Variants in CDH19 observed in about 807,000 individuals in gnomAD.
CDH19 encodes cadherin-19.
CDH19 carries 67 observed loss-of-function variants against 64.2 expected under a neutral mutation model. The observed-to-expected ratio is 1.04, with a 90% confidence interval of 0.86 to 1.28. The LOEUF (loss-of-function observed/expected upper bound fraction) is 1.28, where lower values mean the gene tolerates loss of function less well. Among genes scored for constraint, CDH19 ranks in the 50% most tolerant of loss-of-function variants. CDH19 has a pLI of 0.00. For synonymous variants in CDH19, 346 were observed against 319.3 expected (o/e 1.08, Z -0.89); for missense variants, 1,030 against 929.0 (o/e 1.11, Z -1.41).
intron 9 of CDH19, among the ~76,000 whole-genome samples, chr18:66,523,406 A>ATT (rs1986077359): frequency 1.3e-5 from 2 of 152,184 alleles, no homozygotes; most frequent in African/African-American, 4.8e-5. Flanking sequence ...CCCTGGGACC[A>ATT]GCTTCAGCCC....
At chr18:66,541,591 C>G (rs1568187324) in intron 7 of CDH19, among the ~76,000 whole-genome samples, 1 of 151,956 alleles carries the variant, frequency 6.6e-6, no homozygotes, top group African/African-American at 2.4e-5. Flanking sequence ...TTTGTTAAAT[C>G]AAGCTATATC....
chr18:66,576,223 G>A (rs1354417518), intron 1 of CDH19, among the ~76,000 whole-genome samples: 1 of 150,716 alleles, frequency 6.6e-6, no homozygotes, highest in Non-Finnish European at 1.5e-5. Flanking sequence ...ATATTAATGG[G>A]ATAAAAAAAT....
intron 3 of CDH19, among the ~76,000 whole-genome samples, chr18:66,556,867 A>G (rs576042700): frequency 1.3e-5 from 2 of 152,102 alleles, no homozygotes; most frequent in Admixed American, 6.6e-5. Context: ...ACTATGAAAT[A>G]TCACTTCACA....
intron 9 of CDH19, among the ~76,000 whole-genome samples, chr18:66,516,200 C>T (rs1426414158): frequency 6.6e-6 from 1 of 151,792 alleles, no homozygotes; most frequent in African/African-American, 2.4e-5. Flanking sequence ...ATGACATGAT[C>T]ATTACTTTTA....
intron 5 of CDH19, 39 bp from the exon 6 acceptor site, chr18:66,544,942 T>A: frequency 7.3e-7 from 1 of 1,370,302 alleles, no homozygotes; most frequent in Non-Finnish European, 9.9e-7. Flanking sequence ...GATAAATACT[T>A]AATATAGACA....
At chr18:66,594,547 A>T (rs1988829941) in intron 1 of CDH19, among the ~76,000 whole-genome samples, 1 of 152,046 alleles carries the variant, frequency 6.6e-6, no homozygotes, top group Non-Finnish European at 1.5e-5. Flanking sequence ...CAAAAAGCCC[A>T]AAGTCATACG....
At chr18:66,595,495 T>C (rs1988860417) in intron 1 of CDH19, among the ~76,000 whole-genome samples, 1 of 132,194 alleles carries the variant, frequency 7.6e-6, no homozygotes, top group African/African-American at 2.9e-5. Flanking sequence ...CAAGGGGACA[T>C]TACCACCGGC....
In CDH19 at chr18:66,568,396, T is replaced by G. The variant is rs768153240; in HGVS notation, c.490+20A>C. 1 of 1,565,844 alleles carries G rather than the reference T, an allele frequency of 6.4e-7. No homozygotes were observed. Among genetic ancestry groups the G allele is most frequent in the Admixed American group, 1.8e-5 (1 of 56,562 alleles). On this transcript the variant is annotated intron_variant, in intron 3 of 11. Coordinates refer to ENST00000262150, the MANE Select transcript of CDH19 (RefSeq NM_021153.4). ...TGCTTCATTGTTAATATATCTTTGA[T>G]GTAAATTAATATGCAATACCTTCTG...
chr18:66,559,410 T>C (rs1987638537), intron 3 of CDH19, among the ~76,000 whole-genome samples: 1 of 151,870 alleles, frequency 6.6e-6, no homozygotes, highest in African/African-American at 2.4e-5. Context: ...GAAAAAAATG[T>C]TTTTCTGTCA....
rs756308124 is a variant in CDH19, at chr18:66,544,264, G to A, written c.961-40C>T. On this transcript the variant is annotated intron_variant, in intron 6 of 11. Transcript: ENST00000262150. ...AGTATACACAAAAGAAATGGCTTTA[G>A]TAACCCAAGATACTATTTAGAAAAA... is the stretch of plus-strand genomic sequence containing the variant. The A allele has an allele frequency of 6.3e-6, 10 of 1,575,988 alleles. No individual in the cohort carries two copies. The East Asian group carries it at 1.8e-4, about 28-fold the overall frequency.
chr18:66,531,022 A>G (rs1029938826), intron 8 of CDH19, among the ~76,000 whole-genome samples: 5 of 152,066 alleles, frequency 3.3e-5, no homozygotes, highest in Admixed American at 2.0e-4. Context: ...GGTTTAGCCC[A>G]TGCCATTTTT....
At chr18:66,566,217 T>C (rs1314788487) in intron 3 of CDH19, among the ~76,000 whole-genome samples, 4 of 151,746 alleles carry the variant, frequency 2.6e-5, no homozygotes, top group Non-Finnish European at 5.9e-5. Flanking sequence ...TGATTGGTTA[T>C]GAACAAATAT....
chr18:66,551,960 T>C (rs1987360205), intron 4 of CDH19, among the ~76,000 whole-genome samples: 1 of 151,824 alleles, frequency 6.6e-6, no homozygotes, highest in Non-Finnish European at 1.5e-5. Context: ...AAATAAATAA[T>C]ACCCAATACC....
intron 3 of CDH19, among the ~76,000 whole-genome samples, chr18:66,567,425 G>A (rs1381976674): frequency 2.6e-5 from 4 of 151,520 alleles, no homozygotes; most frequent in Non-Finnish European, 4.4e-5. Context: ...CCAAAATAGA[G>A]TAATTTAAAG....
intron 5 of CDH19, among the ~76,000 whole-genome samples, chr18:66,548,578 A>G (rs73539781): frequency 0.017 from 2,661 of 152,218 alleles, 66 homozygotes; most frequent in African/African-American, 0.059. Flanking sequence ...TTCAAGGAGA[A>G]GTTGATCAAT....
chr18:66,504,815 A>C lies in CDH19; in HGVS notation c.2316T>G (p.Asn772Lys). ...AAAATTTTGATGGTAAAAAGCCCTAATTATTTGACTGCACTGCAGAACCAA... is the reference window on the plus strand; with the variant it reads ...AAAATTTTGATGGTAAAAAGCCCTACTTATTTGACTGCACTGCAGAACCAA... ...CMFGSAVQSN[N>K] Residue 772 changes from asparagine (N) to lysine (K), a missense_variant, in exon 12 of 12, where the codon AAT becomes AAG. Physicochemically the swap from Asn to Lys is moderately conservative, Grantham distance 94. Transcript: ENST00000262150. The C allele has an allele frequency of 1.9e-6, 3 of 1,590,742 alleles. No homozygotes were observed. Among genetic ancestry groups the C allele is most frequent in the Non-Finnish European group, 1.7e-6 (2 of 1,164,152 alleles).
At chr18:66,568,309 G>A in intron 3 of CDH19, 107 bp downstream of exon 3, 5 of 779,560 alleles carry the variant, frequency 6.4e-6, no homozygotes, top group Non-Finnish European at 1.0e-5. Context: ...TTTGTAGAAG[G>A]AAGTTCTAGT....
At chr18:66,582,639 CAAAAAAAAAAAAAA>C (rs11410904) in intron 1 of CDH19, among the ~76,000 whole-genome samples, 1 of 72,896 alleles carries the variant, frequency 1.4e-5, no homozygotes, top group Non-Finnish European at 2.5e-5. Context: ...TTACTGTCAC[CAAAAAAAAAAAAAA>C]AAAAAAAAAG....
chr18:66,501,207 T>G lies in CDH19; in HGVS notation c.*3605A>C, dbSNP rs935237764. 6.6e-6 allele frequency: 1 copy of G among 152,148 alleles called. No individual in the cohort carries two copies. The highest frequency in any genetic ancestry group is 2.4e-5 in the African/African-American group (1 of 41,446). The allele number at this position is 152,148 out of a possible 1,614,324, so 9.4% of individuals were successfully genotyped here. A position where few individuals can be genotyped will look rare whatever the true frequency, so the allele number is the denominator to read the frequency against. ...ATTACTACATTAATTCCAGAAATAT[T>G]TATTGGTCACTTTCTGTGTGCTAGA... On this transcript the variant is annotated 3_prime_UTR_variant, in exon 12 of 12. Transcript: ENST00000262150.
Sources: allele counts gnomAD v4.1 joint callset (sites outside exome capture counted in the v4.1 genomes callset), GRCh38; gene constraint gnomAD v4.1.1; transcripts MANE v1.5; gene names NCBI Gene and HGNC (gene_info 2026-07-23, HGNC 2026-07-21).